The following PTPRG variants were observed in gnomAD, a reference collection of about 807,000 sequenced individuals.
The protein encoded by PTPRG is protein tyrosine phosphatase receptor type G.
Under a neutral mutation model 165.3 loss-of-function variants are expected in PTPRG, and 102 were observed. The ratio of observed to expected loss-of-function variants is 0.62; its 90% CI spans 0.53 to 0.73. PTPRG has a LOEUF of 0.73. PTPRG is among the 30% of genes least tolerant of loss of function. The pLI is 0.00. For synonymous variants in PTPRG, 675 were observed against 669.5 expected (o/e 1.01, Z -0.13); for missense variants, 1,866 against 1,861.4 (o/e 1.00, Z -0.05).
intron 5 of PTPRG, among the ~76,000 whole-genome samples, chr3:62,109,951 C>A (rs1702608383): frequency 6.6e-6 from 1 of 152,246 alleles, no homozygotes; most frequent in African/African-American, 2.4e-5. Context: ...CTGGCAGTTT[C>A]TTTGCCAGAG....
chr3:62,155,336 C>A (rs1002561624), intron 6 of PTPRG, among the ~76,000 whole-genome samples: 2 of 152,160 alleles, frequency 1.3e-5, no homozygotes, highest in African/African-American at 4.8e-5. Context: ...TCCTTGATTT[C>A]CACATCTGTA....
chr3:62,271,410 C>G lies in PTPRG; in HGVS notation c.3037C>G (p.Gln1013Glu). The G allele has an allele frequency of 6.2e-7, 1 of 1,609,386 alleles. No individual in the cohort carries two copies. The highest frequency in any genetic ancestry group is 8.5e-7 in the Non-Finnish European group (1 of 1,178,116). Residue 1013 changes from glutamine (Q) to glutamate (E), a missense_variant, in exon 21 of 30, where the codon CAG becomes GAG. Physicochemically the swap from Gln to Glu is conservative, Grantham distance 29. Transcript: ENST00000474889. The surrounding 1 kb of genome is among the most constrained non-coding windows in gnomAD (Gnocchi z 4.1). ...KGQKGNPKGR[Q>E]NERVVIQYHY... Reference sequence around the variant, plus strand: ...TCAGAAGGGAAATCCCAAGGGTCGTCAGAATGAAAGGGTAGTGATCCAGTA... The same window carrying G: ...TCAGAAGGGAAATCCCAAGGGTCGTGAGAATGAAAGGGTAGTGATCCAGTA...
At chr3:62,005,221 A>C (rs761876433) in intron 4 of PTPRG, among the ~76,000 whole-genome samples, 19 of 152,224 alleles carry the variant, frequency 1.2e-4, no homozygotes, top group Non-Finnish European at 2.2e-4. Context: ...TCCTAGTCAC[A>C]ATAACGATAT....
At chr3:61,870,651 G>A (rs947518961) in intron 2 of PTPRG, among the ~76,000 whole-genome samples, 1 of 150,554 alleles carries the variant, frequency 6.6e-6, no homozygotes, top group Non-Finnish European at 1.5e-5. Context: ...AAAGTGCTGG[G>A]ATTACAGGCA....
At position 61,950,127 on chromosome 3, in the gene PTPRG, A is replaced by G. The variant is rs756133303; in HGVS notation, c.191-39498A>G. 3.9e-5 allele frequency among the ~76,000 whole-genome samples: 6 copies of G among 152,174 alleles called. No individual in the cohort carries two copies. In the South Asian group the frequency reaches 1.0e-3, roughly 26 times the overall value. On this transcript the variant is annotated intron_variant, in intron 2 of 29. Coordinates refer to ENST00000474889, the MANE Select transcript of PTPRG (RefSeq NM_002841.4). Reference sequence around the variant, plus strand: ...ATGGCCTTGCATTACTAGTAATATAAAGTTTTAAAATACTTTGTGTGGCTT... The same window carrying G: ...ATGGCCTTGCATTACTAGTAATATAGAGTTTTAAAATACTTTGTGTGGCTT...
chr3:61,642,519 A>C (rs1702096078), intron 1 of PTPRG, among the ~76,000 whole-genome samples: 1 of 152,046 alleles, frequency 6.6e-6, no homozygotes, highest in Admixed American at 6.5e-5. Context: ...AGAGGTCTGC[A>C]TTTTGCCCCT....
intron 2 of PTPRG, among the ~76,000 whole-genome samples, chr3:61,978,612 G>C (rs376012153): frequency 6.6e-6 from 1 of 152,094 alleles, no homozygotes; most frequent in South Asian, 2.1e-4. Context: ...TAAGTTGCTG[G>C]TACATAAGGT....
chr3:62,074,810 A>G (rs576352086), intron 4 of PTPRG, among the ~76,000 whole-genome samples: 1 of 152,272 alleles, frequency 6.6e-6, no homozygotes, highest in South Asian at 2.1e-4. Context: ...CTCTGGGCAC[A>G]GTTCATTTTG....
chr3:62,128,520 C>A (rs1703397423), intron 5 of PTPRG, among the ~76,000 whole-genome samples: 1 of 151,782 alleles, frequency 6.6e-6, no homozygotes, highest in South Asian at 2.1e-4. Context: ...CATTTAAATT[C>A]AAGTGTTAGG....
intron 2 of PTPRG, among the ~76,000 whole-genome samples, chr3:61,885,656 TCTCTCCTCTC>T (rs1559669033): frequency 2.8e-4 from 13 of 45,888 alleles, no homozygotes; most frequent in East Asian, 7.3e-4. Context: ...CTCTTTTCCT[TCTCTCCTCTC>T]CTCTCCTCTC....
At chr3:61,915,392 G>C (rs978234733) in intron 2 of PTPRG, among the ~76,000 whole-genome samples, 6 of 152,154 alleles carry the variant, frequency 3.9e-5, no homozygotes, top group African/African-American at 1.2e-4. Flanking sequence ...GAATATTTCA[G>C]AACATCTCTC....
intron 2 of PTPRG, among the ~76,000 whole-genome samples, chr3:61,958,287 A>C (rs527762923): frequency 2.0e-4 from 30 of 152,036 alleles, no homozygotes; most frequent in Middle Eastern, 3.4e-3. Context: ...CCACCACACC[A>C]GGCTAGTTCT....
intron 2 of PTPRG, among the ~76,000 whole-genome samples, chr3:61,810,467 T>TA (rs2035541582): frequency 6.6e-6 from 1 of 152,092 alleles, no homozygotes; most frequent in Non-Finnish European, 1.5e-5. Flanking sequence ...GATTTCTTTT[T>TA]AGGTGCCCTG....
intron 1 of PTPRG, among the ~76,000 whole-genome samples, chr3:61,588,721 C>T (rs1352026956): frequency 6.6e-6 from 1 of 152,186 alleles, no homozygotes; most frequent in Non-Finnish European, 1.5e-5. Flanking sequence ...GCTGGGATTA[C>T]AGGAATGAGC....
intron 5 of PTPRG, among the ~76,000 whole-genome samples, chr3:62,121,189 G>T (rs1381372742): frequency 6.6e-6 from 1 of 150,560 alleles, no homozygotes. Flanking sequence ...TCCTGACCTC[G>T]TGATCCACCC....
chr3:62,263,048 G>A lies in PTPRG; in HGVS notation c.2656+154G>A, dbSNP rs1008065333. ...TTAGCCCATCTTCAACAGTGTAGAA[G>A]TTGGGACATTTTCTTCCCCCTTAGC... On this transcript the variant is annotated intron_variant, in intron 17 of 29. Coordinates refer to ENST00000474889, the MANE Select transcript of PTPRG (RefSeq NM_002841.4). 20 of 588,122 alleles carry A rather than the reference G, an allele frequency of 3.4e-5. 1 individual carries two copies. The highest frequency in any genetic ancestry group is 2.7e-4 in the African/African-American group (14 of 51,898). The allele number at this position is 588,122 out of a possible 1,614,324, so 36.4% of individuals were successfully genotyped here. A position where few individuals can be genotyped will look rare whatever the true frequency, so the allele number is the denominator to read the frequency against.
At chr3:62,283,014 T>C (rs1205441220) in intron 28 of PTPRG, 145 bp downstream of exon 28, 3 of 711,954 alleles carry the variant, frequency 4.2e-6, no homozygotes, top group Middle Eastern at 3.4e-4. Flanking sequence ...ACTGTGGACA[T>C]GTACAAAGTG....
At chr3:61,776,232 A>G (rs1044064757) in intron 2 of PTPRG, among the ~76,000 whole-genome samples, 2 of 152,082 alleles carry the variant, frequency 1.3e-5, no homozygotes, top group African/African-American at 4.8e-5. Context: ...TGCTAAGGGA[A>G]TGGAACTGCT....
intron 1 of PTPRG, among the ~76,000 whole-genome samples, chr3:61,614,888 G>A (rs1487057696): frequency 6.6e-6 from 1 of 152,096 alleles, no homozygotes; most frequent in East Asian, 1.9e-4. Flanking sequence ...ATTTGTATGT[G>A]GCAGCTCCTT....
Sources: allele counts gnomAD v4.1 joint callset (sites outside exome capture counted in the v4.1 genomes callset), GRCh38; gene constraint gnomAD v4.1.1; non-coding constraint Gnocchi (gnomAD v3.1); transcripts MANE v1.5; gene names NCBI Gene and HGNC (gene_info 2026-07-23, HGNC 2026-07-21).